SIRT7: variants seen among roughly 807,000 people sequenced by gnomAD.
The protein encoded by SIRT7 is NAD-dependent protein deacetylase sirtuin-7.
Under a neutral mutation model 42.8 loss-of-function variants are expected in SIRT7, and 32 were observed. The observed-to-expected ratio is 0.75, with a 90% CI of 0.56 to 1.00. The LOEUF is 1.00. SIRT7 is among the 50% of genes least tolerant of loss of function. The probability of loss-of-function intolerance (pLI) is 0.00; values close to 1 mark genes in which losing one functional copy is unlikely to be tolerated. For synonymous variants in SIRT7, 297 were observed against 245.2 expected (o/e 1.21, Z -1.97); for missense variants, 553 against 572.2 (o/e 0.97, Z 0.34).
Position 81,912,290 on chromosome 17 carries a change from A to T in SIRT7, c.*126T>A. On this transcript the variant is annotated 3_prime_UTR_variant, in exon 10 of 10. Transcript: ENST00000328666. ...GGGGCTTCCTCAAGGACAAATGGCTAAAAATGTCACGGTGAAAATGTCATC... is the reference window on the plus strand; with the variant it reads ...GGGGCTTCCTCAAGGACAAATGGCTTAAAATGTCACGGTGAAAATGTCATC... 2 of 1,272,522 alleles carry T rather than the reference A, an allele frequency of 1.6e-6. No individual in the cohort carries two copies. Among genetic ancestry groups the T allele is most frequent in the Non-Finnish European group, 2.3e-6 (2 of 883,738 alleles). The allele number at this position is 1,272,522 out of a possible 1,614,324, so 78.8% of individuals were successfully genotyped here.
rs200817918 is a variant in SIRT7, at chr17:81,915,502, G to T, written c.418C>A (p.Leu140Met). The stretch of plus-strand genomic sequence containing the variant: ...GTGAGGGTTGGCTCGGCCTCGCTCA[G>T]GTCGGCAGCACTGCCAGGCAGAAAG... ...QKGRSVSAAD[L>M]SEAEPTLTHM... The change falls in exon 5 of 10, where the codon CTG becomes ATG. Residue 140 changes from leucine to methionine, a missense_variant. Coordinates refer to ENST00000328666, the MANE Select transcript of SIRT7 (RefSeq NM_016538.3). 1.9e-6 allele frequency: 3 copies of T among 1,613,702 alleles called. No homozygotes were observed. Among genetic ancestry groups the T allele is most frequent in the Middle Eastern group, 1.7e-4 (1 of 6,060 alleles).
intron 7 of SIRT7, 36 bp downstream of exon 7, chr17:81,914,258 G>A (rs1332856686): frequency 2.5e-6 from 4 of 1,611,598 alleles, no homozygotes; most frequent in African/African-American, 2.7e-5. Context: ...CGGGCGGGCA[G>A]GGGCTCGGTT....
chr17:81,917,560 G>T, intron 3 of SIRT7, 55 bp downstream of exon 3: 1 of 1,433,162 alleles, frequency 7.0e-7, no homozygotes, highest in South Asian at 1.4e-5. Context: ...CGAGTTTTTC[G>T]CGATTACTGG....
At position 81,913,643 on chromosome 17, in the gene SIRT7, C is replaced by T. The variant is rs554317482; in HGVS notation, c.1004+131G>A. 6.2e-5 allele frequency: 48 copies of T among 778,672 alleles called. No individual in the cohort carries two copies. The highest frequency in any genetic ancestry group is 9.7e-5 in the Non-Finnish European group (46 of 476,412). 48.2% of individuals were successfully genotyped at this position (778,672 alleles called of 1,614,324 possible). The stretch of plus-strand genomic sequence containing the variant: ...AGGTCAGGCCCTCTGGAGACCACCA[C>T]GCTTCAGTCATGCCTCAGGCACCAC... On this transcript the variant is annotated intron_variant, in intron 9 of 9. Coordinates refer to ENST00000328666, the MANE Select transcript of SIRT7 (RefSeq NM_016538.3). This position sits in a 1 kb window ranked among gnomAD's most constrained non-coding sequence, Gnocchi z 5.0.
chr17:81,914,115 C>T lies in SIRT7; in HGVS notation c.869G>A (p.Arg290Gln), dbSNP rs374358109. ...LWCMTKPPSRRPKLYIVNLQW... is the reference protein window; with the variant it reads ...LWCMTKPPSRQPKLYIVNLQW... The stretch of plus-strand genomic sequence containing the variant: ...CAGGTTCACGATGTAAAGCTTCGGC[C>T]GCCGGCTAGGGGGCTTGGTCATGCA... Residue 290 changes from arginine (R) to glutamine (Q), a missense_variant, in exon 8 of 10, where the codon CGG becomes CAG. Arg to Gln is a conservative substitution (Grantham distance 43). Transcript: ENST00000328666. 7.4e-6 allele frequency: 12 copies of T among 1,613,452 alleles called. No individual in the cohort carries two copies. Among genetic ancestry groups the T allele is most frequent in the African/African-American group, 2.7e-5 (2 of 74,914 alleles).
chr17:81,917,463 G>T, intron 3 of SIRT7, 152 bp downstream of exon 3: 3 of 636,542 alleles, frequency 4.7e-6, no homozygotes, highest in Non-Finnish European at 7.4e-6. Context: ...GTAACACAGA[G>T]GCCAAGCGTT....
Position 81,918,045 on chromosome 17 carries a change from G to T in SIRT7, c.87C>A (p.Leu29=). The change falls in exon 1 of 10, where the codon CTC becomes CTA. Residue 29 remains leucine (L), a synonymous_variant. Transcript: ENST00000328666. ...GGGAGCGGCGGCGGCGTACCTGGCG[G>T]AGGCGCTCCCTCTGCTGCTCCTCCC... ...RLREEQQRER[L]RQVSRILRKA... The T allele has an allele frequency of 2.0e-6, 3 of 1,507,066 alleles. No homozygotes were observed. Among genetic ancestry groups the T allele is most frequent in the Non-Finnish European group, 2.6e-6 (3 of 1,135,732 alleles). The allele number at this position is 1,507,066 out of a possible 1,614,324, so 93.4% of individuals were successfully genotyped here.
Position 81,912,334 on chromosome 17 carries a change from C to T in SIRT7, c.*82G>A, listed in dbSNP as rs1255551577. Reference sequence around the variant, plus strand: ...TGTCATCCCCAAAGAGTTCGTTCTCCCTAGACCCGTGGGGGCAACCCAGCC... The same window carrying T: ...TGTCATCCCCAAAGAGTTCGTTCTCTCTAGACCCGTGGGGGCAACCCAGCC... On this transcript the variant is annotated 3_prime_UTR_variant, in exon 10 of 10. Transcript: ENST00000328666. 12 of 1,549,582 alleles carry T rather than the reference C, an allele frequency of 7.7e-6. No homozygotes were observed. Among genetic ancestry groups the T allele is most frequent in the Non-Finnish European group, 9.8e-6 (11 of 1,122,520 alleles).
rs1475475270 is a variant in SIRT7, at chr17:81,912,120, G to A, written c.*296C>T. 1.5e-5 allele frequency: 7 copies of A among 477,488 alleles called. No homozygotes were observed. The highest frequency in any genetic ancestry group is 2.3e-5 in the Non-Finnish European group (6 of 263,400). 29.6% of individuals were successfully genotyped at this position (477,488 alleles called of 1,614,324 possible). ...CTGGTGAGCGAGGAAAGGCCGCTGG[G>A]CGCTTCCACTCTGCAGGCCGGGGCT... is the stretch of plus-strand genomic sequence containing the variant. On this transcript the variant is annotated 3_prime_UTR_variant, in exon 10 of 10. Transcript: ENST00000328666.
chr17:81,915,058 G>C, intron 5 of SIRT7: 1 of 480,804 alleles, frequency 2.1e-6, no homozygotes. Context: ...CAGGTCCCTG[G>C]GGACCTAGGC....
intron 3 of SIRT7, chr17:81,916,094 G>A (rs2143790518): frequency 4.1e-6 from 1 of 244,120 alleles, no homozygotes; most frequent in African/African-American, 2.2e-5. Flanking sequence ...GTGGGTCCAG[G>A]CGACTGTCCA....
At chr17:81,915,957 C>G in intron 3 of SIRT7, 1 of 462,950 alleles carries the variant, frequency 2.2e-6, no homozygotes, top group Middle Eastern at 6.4e-4. Context: ...CTCTCTGGCA[C>G]CGAGCACAAA....
Position 81,914,520 on chromosome 17 carries a change from G to C in SIRT7, c.590C>G (p.Ser197Cys), listed in dbSNP as rs761467889. 1.8e-5 allele frequency: 29 copies of C among 1,613,240 alleles called. No individual in the cohort carries two copies. The South Asian group carries it at 3.2e-4, about 18-fold the overall frequency. Residue 197 changes from serine (S) to cysteine (C), a missense_variant, in exon 7 of 10, where the codon TCC (serine) becomes TGC (cysteine). Transcript: ENST00000328666. The stretch of plus-strand genomic sequence containing the variant: ...CACGTACTCCCTGTTGGGAACGCAG[G>C]AGGTACAGACCTAGAGGCAAGAGGG... ...HGNMYIEVCTSCVPNREYVRV... is the reference protein window; with the variant it reads ...HGNMYIEVCTCCVPNREYVRV...
chr17:81,916,133 G>A (rs575311350), intron 3 of SIRT7: 3 of 182,774 alleles, frequency 1.6e-5, no homozygotes, highest in South Asian at 2.2e-4. Flanking sequence ...GACTATTCCC[G>A]CTCCACCTTA....
In SIRT7 at chr17:81,914,183, G is replaced by A. The variant is rs1325891665; in HGVS notation, c.817-16C>T. The A allele has an allele frequency of 1.2e-6, 2 of 1,613,622 alleles. No homozygotes were observed. Among genetic ancestry groups the A allele is most frequent in the Admixed American group, 1.7e-5 (1 of 60,018 alleles). On this transcript the variant is annotated splice_polypyrimidine_tract_variant and intron_variant, in intron 7 of 9. Transcript: ENST00000328666. ...TCTTTAGAACCTGTGGAAGCAGACAGACAGACACCGCACACACACAAGGGA... is the reference window on the plus strand; with the variant it reads ...TCTTTAGAACCTGTGGAAGCAGACAAACAGACACCGCACACACACAAGGGA...
At chr17:81,915,380 TGGGCACCA>T in intron 5 of SIRT7, 52 bp downstream of exon 5, 28 of 1,564,286 alleles carry the variant, frequency 1.8e-5, no homozygotes, top group Non-Finnish European at 2.4e-5. Flanking sequence ...AGTTGCCCAC[TGGGCACCA>T]AGGTGCTCTG....
chr17:81,912,199 C>T lies in SIRT7; in HGVS notation c.*217G>A, dbSNP rs929997246. 6 of 610,306 alleles carry T rather than the reference C, an allele frequency of 9.8e-6. No homozygotes were observed. The Admixed American group carries it at 1.5e-4, about 15-fold the overall frequency. The allele number at this position is 610,306 out of a possible 1,614,324, so 37.8% of individuals were successfully genotyped here. On this transcript the variant is annotated 3_prime_UTR_variant, in exon 10 of 10. Transcript: ENST00000328666. ...AAGGTGCGGCTGCCACCTCTTGACA[C>T]AGAGGCCGGATGGGCAGGTGTCCTC...
rs1175609427 is a variant in SIRT7 at position 81,913,004 on chromosome 17, CCT to C, written c.1005-392_1005-391del. 1 of 370,470 alleles carries C rather than the reference CCT, an allele frequency of 2.7e-6. No individual in the cohort carries two copies. Among genetic ancestry groups the C allele is most frequent in the African/African-American group, 2.1e-5 (1 of 47,344 alleles). The allele number at this position is 370,470 out of a possible 1,614,324, so 22.9% of individuals were successfully genotyped here. ...TACCGCTGGGGCAGGTGGACCAGACCCTCTCCCCCTTCCCAGCTGACTAGGGA... is the reference window on the plus strand; with the variant it reads ...TACCGCTGGGGCAGGTGGACCAGACCCTCCCCCTTCCCAGCTGACTAGGGA... On this transcript the variant is annotated intron_variant, in intron 9 of 9. Transcript: ENST00000328666. The surrounding 1 kb of genome is among the most constrained non-coding windows in gnomAD (Gnocchi z 5.0).
chr17:81,916,384 T>C (rs2040797769), intron 3 of SIRT7: 1 of 151,746 alleles, frequency 6.6e-6, no homozygotes, highest in Non-Finnish European at 1.5e-5. Flanking sequence ...TGAAATCCAC[T>C]AGCTGCATGT....
Sources: allele counts gnomAD v4.1 joint callset, GRCh38; gene constraint gnomAD v4.1.1; non-coding constraint Gnocchi (gnomAD v3.1); transcripts MANE v1.5; gene names NCBI Gene and HGNC (gene_info 2026-07-23, HGNC 2026-07-21).